FBXL17: variants seen among roughly 807,000 people sequenced by gnomAD.
FBXL17 encodes the protein F-box and leucine rich repeat protein 17, also known as F-box/LRR-repeat protein 17.
In FBXL17, 22 loss-of-function variants were observed where a neutral mutation model predicts 66.2. The observed-to-expected ratio is 0.33, with a 90% CI of 0.24 to 0.47. FBXL17 has a LOEUF of 0.47. Ranked by LOEUF, FBXL17 falls within the 20% of genes least tolerant of loss-of-function variation. FBXL17 has a pLI of 1.00. For missense variants in FBXL17, 878 were observed against 948.2 expected (o/e 0.93, Z 0.97); for synonymous variants, 474 against 400.5 (o/e 1.18, Z -2.19).
intron 7 of FBXL17, among the ~76,000 whole-genome samples, chr5:107,974,619 A>G (rs1469748564): frequency 2.0e-5 from 3 of 152,132 alleles, no homozygotes; most frequent in Admixed American, 6.5e-5. Flanking sequence ...TTAATCAACA[A>G]TATTTATTGA....
intron 6 of FBXL17, among the ~76,000 whole-genome samples, chr5:108,053,842 C>T (rs978908116): frequency 6.6e-6 from 1 of 152,042 alleles, no homozygotes; most frequent in Non-Finnish European, 1.5e-5. Flanking sequence ...TTTACAATAC[C>T]AAAGTCATAG....
At chr5:108,014,436 C>T (rs288179) in intron 7 of FBXL17, among the ~76,000 whole-genome samples, 44,847 of 151,948 alleles carry the variant, frequency 0.3, 7,186 homozygotes, top group East Asian at 0.54. Flanking sequence ...AAAAAAACGA[C>T]TAAATGTGAA....
intron 7 of FBXL17, among the ~76,000 whole-genome samples, chr5:107,977,082 A>G (rs746223388): frequency 1.3e-5 from 2 of 152,184 alleles, no homozygotes; most frequent in Non-Finnish European, 2.9e-5. Flanking sequence ...AAAAATATCT[A>G]GTTGGGTATA....
intron 7 of FBXL17, among the ~76,000 whole-genome samples, chr5:107,909,302 A>G (rs1749870416): frequency 6.6e-6 from 1 of 152,152 alleles, no homozygotes; most frequent in African/African-American, 2.4e-5. Flanking sequence ...GTGCTTCAAG[A>G]CTGTCAAATT....
chr5:108,074,151 C>T (rs549108047), intron 6 of FBXL17, among the ~76,000 whole-genome samples: 117 of 152,230 alleles, frequency 7.7e-4, no homozygotes, highest in African/African-American at 2.7e-3. Flanking sequence ...CCAGTGTACA[C>T]ATTAATATGA....
At chr5:108,289,557 G>T (rs939283898) in intron 4 of FBXL17, among the ~76,000 whole-genome samples, 1 of 152,226 alleles carries the variant, frequency 6.6e-6, no homozygotes, top group African/African-American at 2.4e-5. Context: ...GTATGAGAAG[G>T]TATGGGGACT....
intron 6 of FBXL17, among the ~76,000 whole-genome samples, chr5:108,168,968 T>C (rs892201736): frequency 1.3e-5 from 2 of 152,218 alleles, no homozygotes; most frequent in Non-Finnish European, 2.9e-5. Context: ...AACAGGAGTG[T>C]AGCATTGTAA....
intron 7 of FBXL17, among the ~76,000 whole-genome samples, chr5:107,965,309 G>T (rs1245409823): frequency 1.3e-5 from 2 of 152,050 alleles, no homozygotes; most frequent in Non-Finnish European, 2.9e-5. Context: ...GTTTAACAAC[G>T]CTTGTATGTT....
At position 107,908,875 on chromosome 5, in the gene FBXL17, T is replaced by C. The variant is rs149806728; in HGVS notation, c.1823-27696A>G. On this transcript the variant is annotated intron_variant, in intron 7 of 8. Coordinates refer to ENST00000542267, the MANE Select transcript of FBXL17 (RefSeq NM_001163315.3). Reference sequence around the variant, plus strand: ...AGTTTGAGAAGTTGAACTGTATTAATGGCCCCCAAAGCCTCAGGCTTATGG... The same window carrying C: ...AGTTTGAGAAGTTGAACTGTATTAACGGCCCCCAAAGCCTCAGGCTTATGG... Among the ~76,000 whole-genome samples the C allele has an allele frequency of 2.1e-3, 322 of 152,290 alleles. 1 individual carries two copies. The highest frequency in any genetic ancestry group is 7.4e-3 in the African/African-American group (308 of 41,570).
chr5:107,953,629 CAA>C (rs1751572170), intron 7 of FBXL17, among the ~76,000 whole-genome samples: 1 of 152,140 alleles, frequency 6.6e-6, no homozygotes, highest in Admixed American at 6.5e-5. Context: ...TGTCCAAAAG[CAA>C]AGTCTTCACC....
At chr5:108,162,493 AAAAC>A (rs930026283) in intron 6 of FBXL17, among the ~76,000 whole-genome samples, 20 of 152,304 alleles carry the variant, frequency 1.3e-4, no homozygotes, top group South Asian at 8.3e-4. Flanking sequence ...CTGTCTCTAA[AAAAC>A]AAACAAACAA....
chr5:107,974,009 T>C (rs919895735), intron 7 of FBXL17, among the ~76,000 whole-genome samples: 2 of 152,144 alleles, frequency 1.3e-5, no homozygotes, highest in African/African-American at 4.8e-5. Flanking sequence ...TAATACTTCA[T>C]CACAGAAAAA....
At chr5:108,307,349 G>A (rs1371074076) in intron 4 of FBXL17, among the ~76,000 whole-genome samples, 1 of 151,986 alleles carries the variant, frequency 6.6e-6, no homozygotes, top group Non-Finnish European at 1.5e-5. Context: ...CCGTCACCCA[G>A]GCTGGAGTGC....
chr5:107,898,233 G>A (rs1749446798), intron 7 of FBXL17, among the ~76,000 whole-genome samples: 1 of 151,926 alleles, frequency 6.6e-6, no homozygotes, highest in Non-Finnish European at 1.5e-5. Flanking sequence ...AAGAAGAATT[G>A]GTACCATAAA....
At chr5:108,290,212 T>C (rs1758055741) in intron 4 of FBXL17, among the ~76,000 whole-genome samples, 1 of 152,178 alleles carries the variant, frequency 6.6e-6, no homozygotes, top group African/African-American at 2.4e-5. Flanking sequence ...TTCAGTGAAG[T>C]AGAGTCCATA....
At chr5:108,344,551 T>C (rs982897664) in intron 4 of FBXL17, among the ~76,000 whole-genome samples, 1 of 152,166 alleles carries the variant, frequency 6.6e-6, no homozygotes, top group Non-Finnish European at 1.5e-5. Context: ...AAAAATACTC[T>C]GACATAGGGC....
At chr5:108,265,901 G>C (rs932606353) in intron 4 of FBXL17, among the ~76,000 whole-genome samples, 1 of 152,086 alleles carries the variant, frequency 6.6e-6, no homozygotes, top group Non-Finnish European at 1.5e-5. Flanking sequence ...ATCACACTTT[G>C]AATAGTAAGG....
chr5:107,933,201 C>T (rs1252759698), intron 7 of FBXL17, among the ~76,000 whole-genome samples: 1 of 152,136 alleles, frequency 6.6e-6, no homozygotes, highest in Non-Finnish European at 1.5e-5. Flanking sequence ...CATTGAGTTA[C>T]CATTACTGCA....
At chr5:108,047,273 G>T (rs564137121) in intron 6 of FBXL17, among the ~76,000 whole-genome samples, 24 of 152,304 alleles carry the variant, frequency 1.6e-4, no homozygotes, top group Admixed American at 1.1e-3. Flanking sequence ...ACCCAGCTAG[G>T]GAAACTGTGC....
Sources: allele counts gnomAD v4.1 joint callset (sites outside exome capture counted in the v4.1 genomes callset), GRCh38; gene constraint gnomAD v4.1.1; transcripts MANE v1.5; gene names NCBI Gene and HGNC (gene_info 2026-07-23, HGNC 2026-07-21).